EXOC6B: variants seen among roughly 807,000 people sequenced by gnomAD.
EXOC6B encodes the protein SEC15 homolog B.
Under a neutral mutation model 113.5 loss-of-function variants are expected in EXOC6B, and 54 were observed. The observed-to-expected ratio is 0.48, with a 90% confidence interval of 0.38 to 0.60. EXOC6B has a LOEUF of 0.60. EXOC6B is among the 20% of genes least tolerant of loss of function. EXOC6B has a pLI of 0.00. For synonymous variants in EXOC6B, 357 were observed against 339.0 expected (o/e 1.05, Z -0.58); for missense variants, 797 against 977.5 (o/e 0.82, Z 2.46).
At chr2:72,575,718 G>T (rs1172916612) in intron 6 of EXOC6B, 50 bp from the exon 7 acceptor site, 1 of 1,396,290 alleles carries the variant, frequency 7.2e-7, no homozygotes, top group Non-Finnish European at 9.4e-7. Flanking sequence ...TGGGGTTAGG[G>T]AGAGAGAAAG....
chr2:72,824,889 C>G (rs1417256679), intron 1 of EXOC6B, among the ~76,000 whole-genome samples: 2 of 152,052 alleles, frequency 1.3e-5, no homozygotes, highest in Non-Finnish European at 2.9e-5. Flanking sequence ...CCAGGCTATC[C>G]GAGTAGGAAT....
intron 6 of EXOC6B, among the ~76,000 whole-genome samples, chr2:72,631,426 G>GTGTGTGTGTATATATATA (rs1290760055): frequency 2.1e-4 from 6 of 28,184 alleles, no homozygotes; most frequent in African/African-American, 6.9e-4. Flanking sequence ...GTGTGTGTGT[G>GTGTGTGTGTATATATATA]TATATATATA....
rs997083914 is a variant in EXOC6B, at chr2:72,559,442, T to TA, written c.915+10dup. On this transcript the variant is annotated intron_variant, in intron 8 of 21. Transcript: ENST00000272427. ...GACATCTTTATTAGGCAGAGCCAGA[T>TA]AAAGACTCACCAGGACAGAATATAT... 7.7e-6 allele frequency: 12 copies of TA among 1,561,636 alleles called. No homozygotes were observed. Among genetic ancestry groups the TA allele is most frequent in the Non-Finnish European group, 1.0e-5 (12 of 1,156,512 alleles).
intron 17 of EXOC6B, among the ~76,000 whole-genome samples, chr2:72,476,439 C>T (rs1159480059): frequency 6.6e-6 from 1 of 152,086 alleles, no homozygotes; most frequent in African/African-American, 2.4e-5. Context: ...GTATGAAATA[C>T]CTCTAGTCGG....
At chr2:72,418,871 C>T (rs562539578) in intron 18 of EXOC6B, among the ~76,000 whole-genome samples, 56 of 152,246 alleles carry the variant, frequency 3.7e-4, no homozygotes, top group African/African-American at 1.2e-3. Context: ...AGAAGCCTTA[C>T]GACCTTCTGT....
chr2:72,357,210 C>T (rs906227241), intron 19 of EXOC6B, among the ~76,000 whole-genome samples: 2 of 152,168 alleles, frequency 1.3e-5, no homozygotes, highest in Non-Finnish European at 2.9e-5. Context: ...TATTACATAA[C>T]AGCATATTGT....
chr2:72,426,627 T>C (rs1041496566), intron 18 of EXOC6B, among the ~76,000 whole-genome samples: 3 of 152,206 alleles, frequency 2.0e-5, no homozygotes, highest in Admixed American at 1.3e-4. Flanking sequence ...ATAAGAAAAA[T>C]AGAGAGTACA....
intron 18 of EXOC6B, among the ~76,000 whole-genome samples, chr2:72,457,599 T>C (rs977777936): frequency 1.3e-5 from 2 of 152,098 alleles, no homozygotes; most frequent in African/African-American, 2.4e-5. Flanking sequence ...TTCTGAAAGA[T>C]AATTATCAGG....
At chr2:72,496,317 A>G in intron 14 of EXOC6B, 137 bp downstream of exon 14, 1 of 574,206 alleles carries the variant, frequency 1.7e-6, no homozygotes, top group Non-Finnish European at 3.1e-6. Context: ...AAGAAAAAGA[A>G]AAAAGAATCC....
At chr2:72,696,551 T>C (rs1441602449) in intron 6 of EXOC6B, among the ~76,000 whole-genome samples, 1 of 152,234 alleles carries the variant, frequency 6.6e-6, no homozygotes, top group Non-Finnish European at 1.5e-5. Context: ...TTTTGGCTAA[T>C]ACAATGTAGT....
At chr2:72,617,150 A>G (rs1671430188) in intron 6 of EXOC6B, among the ~76,000 whole-genome samples, 2 of 152,218 alleles carry the variant, frequency 1.3e-5, no homozygotes, top group African/African-American at 2.4e-5. Context: ...TAATGCCAGA[A>G]GTGGGCTCCC....
At chr2:72,303,599 T>A (rs1457884523) in intron 20 of EXOC6B, among the ~76,000 whole-genome samples, 1 of 152,204 alleles carries the variant, frequency 6.6e-6, no homozygotes, top group African/African-American at 2.4e-5. Context: ...TTTATTATTA[T>A]TCTTAGTTTC....
chr2:72,548,543 A>T (rs1703031092), intron 8 of EXOC6B, among the ~76,000 whole-genome samples: 1 of 152,206 alleles, frequency 6.6e-6, no homozygotes, highest in South Asian at 2.1e-4. Context: ...GTTGGACACC[A>T]ATAGAACTGT....
chr2:72,512,999 T>C, intron 11 of EXOC6B, 133 bp downstream of exon 11: 4 of 1,039,020 alleles, frequency 3.8e-6, no homozygotes, highest in African/African-American at 1.6e-5. Flanking sequence ...GCTACTTCTA[T>C]GTCTTTGAAG....
chr2:72,779,784 A>G (rs955358241), intron 1 of EXOC6B, among the ~76,000 whole-genome samples: 2 of 152,288 alleles, frequency 1.3e-5, no homozygotes, highest in South Asian at 2.1e-4. Flanking sequence ...GAAGCTGACA[A>G]AAAAAAGAAA....
At chr2:72,248,421 C>T (rs1682803143) in intron 20 of EXOC6B, among the ~76,000 whole-genome samples, 1 of 152,126 alleles carries the variant, frequency 6.6e-6, no homozygotes, top group Non-Finnish European at 1.5e-5. Context: ...GGGAGAGACA[C>T]TTTAGCTTAA....
At chr2:72,366,329 C>T (rs898314915) in intron 19 of EXOC6B, among the ~76,000 whole-genome samples, 4 of 148,796 alleles carry the variant, frequency 2.7e-5, no homozygotes, top group South Asian at 4.2e-4. Context: ...AGATAAACAG[C>T]AGATTAGATA....
chr2:72,790,929 A>G (rs1684637616), intron 1 of EXOC6B, among the ~76,000 whole-genome samples: 1 of 152,202 alleles, frequency 6.6e-6, no homozygotes, highest in Admixed American at 6.5e-5. Context: ...TATGGTTACT[A>G]GAGGCTGGGA....
intron 6 of EXOC6B, among the ~76,000 whole-genome samples, chr2:72,713,309 T>C (rs1679387306): frequency 6.6e-6 from 1 of 152,174 alleles, no homozygotes; most frequent in Non-Finnish European, 1.5e-5. Flanking sequence ...CTGTCAATAT[T>C]AAGTAAGACT....
Sources: allele counts gnomAD v4.1 joint callset (sites outside exome capture counted in the v4.1 genomes callset), GRCh38; gene constraint gnomAD v4.1.1; transcripts MANE v1.5; gene names NCBI Gene and HGNC (gene_info 2026-07-23, HGNC 2026-07-21).